Variants in NDUFAB1 observed in about 807,000 individuals in gnomAD.
NDUFAB1 encodes the protein NADH:ubiquinone oxidoreductase subunit AB1.
Under a neutral mutation model 16.1 loss-of-function variants are expected in NDUFAB1, and 5 were observed. The ratio of observed to expected loss-of-function variants is 0.31; its 90% CI spans 0.16 to 0.65. NDUFAB1 has a LOEUF of 0.65. Among genes scored for constraint, NDUFAB1 ranks in the 30% least tolerant of loss-of-function variants. The pLI, the probability that NDUFAB1 is intolerant of heterozygous loss-of-function variation, is 0.77. For missense variants in NDUFAB1, 187 were observed against 205.3 expected (o/e 0.91, Z 0.54); for synonymous variants, 85 against 78.4 (o/e 1.08, Z -0.44).
At chr16:23,588,561 G>T (rs560519908) in intron 1 of NDUFAB1, among the ~76,000 whole-genome samples, 1 of 152,362 alleles carries the variant, frequency 6.6e-6, no homozygotes, top group Non-Finnish European at 1.5e-5. Context: ...CCTATAGAAA[G>T]TGGGGCTGCT....
At chr16:23,588,042 T>C (rs1236511427) in intron 1 of NDUFAB1, among the ~76,000 whole-genome samples, 1 of 152,254 alleles carries the variant, frequency 6.6e-6, no homozygotes, top group Non-Finnish European at 1.5e-5. Flanking sequence ...TGACCAGATT[T>C]CATTCAACAA....
At chr16:23,591,446 C>T (rs569717706) in intron 1 of NDUFAB1, among the ~76,000 whole-genome samples, 6 of 152,246 alleles carry the variant, frequency 3.9e-5, no homozygotes, top group South Asian at 4.1e-4. Context: ...CTTTAAAGGC[C>T]GTCTCTACAA....
chr16:23,587,399 T>C, intron 1 of NDUFAB1, 80 bp from the exon 2 acceptor site: 1 of 1,543,362 alleles, frequency 6.5e-7, no homozygotes, highest in Non-Finnish European at 8.8e-7. Flanking sequence ...TAGGTAACTT[T>C]CACAGAACTT....
intron 1 of NDUFAB1, among the ~76,000 whole-genome samples, chr16:23,592,852 C>T (rs1966292132): frequency 6.6e-6 from 1 of 152,182 alleles, no homozygotes; most frequent in Non-Finnish European, 1.5e-5. Context: ...GGAAATTTCA[C>T]AGCAGGGAAT....
chr16:23,595,222 T>C (rs949917744), intron 1 of NDUFAB1, among the ~76,000 whole-genome samples: 4 of 152,044 alleles, frequency 2.6e-5, no homozygotes, highest in African/African-American at 9.7e-5. Context: ...TGAGCTGAGA[T>C]CACGCCACTG....
intron 2 of NDUFAB1, among the ~76,000 whole-genome samples, chr16:23,585,790 G>A (rs981651197): frequency 1.3e-5 from 2 of 152,124 alleles, no homozygotes; most frequent in East Asian, 1.9e-4. Flanking sequence ...TGACTACATC[G>A]AATTTTTTTT....
intron 2 of NDUFAB1, among the ~76,000 whole-genome samples, chr16:23,585,809 G>A (rs1323131495): frequency 1.3e-5 from 2 of 152,170 alleles, no homozygotes; most frequent in East Asian, 3.9e-4. Flanking sequence ...TTAACATACA[G>A]AGGCTATAAC....
At chr16:23,582,499 T>C in intron 3 of NDUFAB1, 124 bp from the exon 4 acceptor site, 1 of 1,297,888 alleles carries the variant, frequency 7.7e-7, no homozygotes, top group Non-Finnish European at 9.9e-7. Context: ...TTGAATCCCA[T>C]ATAGGTTGTG....
At chr16:23,586,206 G>C (rs1251096845) in intron 2 of NDUFAB1, among the ~76,000 whole-genome samples, 1 of 151,952 alleles carries the variant, frequency 6.6e-6, no homozygotes, top group African/African-American at 2.4e-5. Context: ...GATTACAGGC[G>C]TGAGCCACTG....
intron 3 of NDUFAB1, among the ~76,000 whole-genome samples, chr16:23,583,366 G>A (rs1261554255): frequency 1.3e-5 from 2 of 151,940 alleles, no homozygotes; most frequent in Admixed American, 6.5e-5. Flanking sequence ...CGTCTGAGAT[G>A]TGGGGAGCGC....
intron 1 of NDUFAB1, among the ~76,000 whole-genome samples, chr16:23,589,959 A>G (rs1407666722): frequency 1.5e-5 from 2 of 134,424 alleles, no homozygotes; most frequent in Non-Finnish European, 3.2e-5. Context: ...AAAAAAAAAA[A>G]AAAAAAGAAA....
intron 1 of NDUFAB1, among the ~76,000 whole-genome samples, chr16:23,588,744 G>A (rs149442810): frequency 5.3e-5 from 8 of 152,182 alleles, no homozygotes; most frequent in South Asian, 2.1e-4. Context: ...TTGGGAGGCC[G>A]AGGTGAGCCA....
chr16:23,590,610 T>A (rs1597055681), intron 1 of NDUFAB1, among the ~76,000 whole-genome samples: 2 of 150,994 alleles, frequency 1.3e-5, no homozygotes, highest in African/African-American at 4.9e-5. Context: ...TTGATCCTAC[T>A]ACCCTCTCAT....
At chr16:23,584,437 G>C (rs1410930503) in intron 3 of NDUFAB1, among the ~76,000 whole-genome samples, 1 of 150,736 alleles carries the variant, frequency 6.6e-6, no homozygotes, top group African/African-American at 2.4e-5. Flanking sequence ...CGTTCTCAAG[G>C]TTCGTGTGCT....
intron 1 of NDUFAB1, among the ~76,000 whole-genome samples, chr16:23,587,818 T>G (rs1341249951): frequency 2.0e-5 from 3 of 152,246 alleles, no homozygotes; most frequent in African/African-American, 7.2e-5. Flanking sequence ...AGCAGTTATC[T>G]CCCTGATCTC....
intron 3 of NDUFAB1, 73 bp from the exon 4 acceptor site, chr16:23,582,448 C>T: frequency 7.1e-7 from 1 of 1,416,458 alleles, no homozygotes. Context: ...ACACCTGACC[C>T]TTCTACAACA....
Position 23,581,073 on chromosome 16 carries a change from C to T in NDUFAB1, c.*109G>A, listed in dbSNP as rs113621499. 92 of 152,770 alleles carry T rather than the reference C, an allele frequency of 6.0e-4. No individual in the cohort carries two copies. Among genetic ancestry groups the T allele is most frequent in the African/African-American group, 2.1e-3 (89 of 41,586 alleles). The allele number at this position is 152,770 out of a possible 1,614,324, so 9.5% of individuals were successfully genotyped here. ...ACATACAATTTAAATACAAGTCCAT[C>T]AGAATCACTCTGTCAGAGTCAGCAA... On this transcript the variant is annotated 3_prime_UTR_variant, in exon 5 of 5. Transcript: ENST00000007516.
intron 1 of NDUFAB1, among the ~76,000 whole-genome samples, chr16:23,593,422 T>C (rs1016537307): frequency 1.3e-5 from 2 of 152,272 alleles, no homozygotes; most frequent in African/African-American, 4.8e-5. Flanking sequence ...TGTAAGCTAA[T>C]GTCTTCCTTT....
chr16:23,581,511 A>G (rs1597051086), intron 4 of NDUFAB1, among the ~76,000 whole-genome samples: 1 of 149,456 alleles, frequency 6.7e-6, no homozygotes, highest in Admixed American at 6.8e-5. Context: ...GTGCCACTAC[A>G]CTCCAGCCTG....
Sources: gnomAD v4.1 joint callset for allele counts (sites outside exome capture counted in the v4.1 genomes callset) on GRCh38, gnomAD v4.1.1 for gene constraint, MANE v1.5 for transcripts, NCBI Gene and HGNC (gene_info 2026-07-23, HGNC 2026-07-21) for gene names.